Variants in UHRF2 observed in about 807,000 individuals in gnomAD.
UHRF2 encodes ubiquitin like with PHD and ring finger domains 2.
A neutral mutation model predicts 96.8 loss-of-function variants in UHRF2; 23 were observed. The ratio of observed to expected loss-of-function variants is 0.24; its 90% CI spans 0.17 to 0.34. UHRF2 has a LOEUF of 0.34. Ranked by LOEUF, UHRF2 falls within the 10% of genes least tolerant of loss-of-function variation. The probability of loss-of-function intolerance (pLI) is 1.00; values close to 1 mark genes in which losing one functional copy is unlikely to be tolerated. For missense variants in UHRF2, 685 were observed against 981.5 expected, an observed-to-expected ratio of 0.70 and a Z score of 4.04; for synonymous variants, 385 against 332.6, an observed-to-expected ratio of 1.16 and a Z score of -1.72.
chr9:6,494,089 A>T (rs1420681557), intron 10 of UHRF2, 157 bp downstream of exon 10: 2 of 600,514 alleles, frequency 3.3e-6, no homozygotes, highest in East Asian at 5.7e-5. Flanking sequence ...GTTTTTCAGC[A>T]TCCTAACATA....
intron 2 of UHRF2, among the ~76,000 whole-genome samples, chr9:6,423,643 T>C (rs1231301449): frequency 6.6e-6 from 1 of 151,952 alleles, no homozygotes; most frequent in Non-Finnish European, 1.5e-5. Flanking sequence ...GATTTTTTTT[T>C]TTTTTTTAAA....
Position 6,460,454 on chromosome 9 carries a change from C to T in UHRF2, c.645-119C>T, listed in dbSNP as rs145934745. On this transcript the variant is annotated intron_variant, in intron 3 of 15. Transcript: ENST00000276893. ...TAACACCTGCTATTTAAGGACACTT[C>T]AACCTATTTTACTCTTTCTCTTAGA... The T allele has an allele frequency of 3.0e-4, 243 of 805,266 alleles. 1 individual carries two copies. In the African/African-American group the frequency reaches 3.9e-3, roughly 13 times the overall value. The allele number at this position is 805,266 out of a possible 1,614,324, so 49.9% of individuals were successfully genotyped here.
At chr9:6,497,139 C>T in intron 10 of UHRF2, 59 bp from the exon 11 acceptor site, 3 of 1,506,998 alleles carry the variant, frequency 2.0e-6, no homozygotes, top group Non-Finnish European at 2.7e-6. Context: ...GAGCTAATGA[C>T]TCGATTGTGT....
chr9:6,459,046 A>C (rs1418502939), intron 3 of UHRF2, among the ~76,000 whole-genome samples: 1 of 152,164 alleles, frequency 6.6e-6, no homozygotes, highest in Non-Finnish European at 1.5e-5. Flanking sequence ...GGAGGGGAAC[A>C]TAACACAGAG....
intron 4 of UHRF2, 49 bp from the exon 5 acceptor site, chr9:6,475,342 A>G: frequency 1.7e-6 from 2 of 1,174,926 alleles, no homozygotes; most frequent in Non-Finnish European, 2.4e-6. Flanking sequence ...ATTTGTATAT[A>G]CCTTAGATTT....
intron 9 of UHRF2, among the ~76,000 whole-genome samples, chr9:6,487,903 A>C (rs1362982471): frequency 6.6e-6 from 1 of 152,154 alleles, no homozygotes; most frequent in African/African-American, 2.4e-5. Flanking sequence ...TTAAAATTAA[A>C]CTTACTATTT....
At position 6,421,122 on chromosome 9, in the gene UHRF2, C is replaced by A; in HGVS notation, c.364C>A (p.Pro122Thr). Reference protein sequence around the residue: ...STSARARLIDPGFGIYKVNEL... With the variant: ...STSARARLIDTGFGIYKVNEL... ...ATCAGCTCGTGCCCGTCTTATTGATCCTGGCTTTGGAATATATAAGGTATG... is the reference window on the plus strand; with the variant it reads ...ATCAGCTCGTGCCCGTCTTATTGATACTGGCTTTGGAATATATAAGGTATG... Residue 122 changes from proline to threonine, a missense_variant, in exon 2 of 16, where the codon CCT becomes ACT. Pro to Thr is a conservative substitution (Grantham distance 38, BLOSUM62 -1). Coordinates refer to ENST00000276893, the MANE Select transcript of UHRF2 (RefSeq NM_152896.3). The A allele has an allele frequency of 1.4e-5, 23 of 1,613,596 alleles. No individual in the cohort carries two copies. Among genetic ancestry groups the A allele is most frequent in the Non-Finnish European group, 1.9e-5 (23 of 1,179,568 alleles).
At chr9:6,459,425 T>C (rs778525877) in intron 3 of UHRF2, among the ~76,000 whole-genome samples, 2 of 152,174 alleles carry the variant, frequency 1.3e-5, no homozygotes, top group Non-Finnish European at 2.9e-5. Flanking sequence ...TCCCAGCACT[T>C]TGTGAGACTG....
At chr9:6,429,633 T>A (rs2130753835) in intron 2 of UHRF2, among the ~76,000 whole-genome samples, 1 of 152,320 alleles carries the variant, frequency 6.6e-6, no homozygotes, top group Middle Eastern at 3.4e-3. Flanking sequence ...ACCCGGGCTA[T>A]ACTCTGAGTT....
chr9:6,416,691 C>A (rs1046295556), intron 1 of UHRF2, among the ~76,000 whole-genome samples: 21 of 152,062 alleles, frequency 1.4e-4, no homozygotes, highest in Non-Finnish European at 2.8e-4. Context: ...AGGCGCCCGC[C>A]ACTGCGCCCG....
At chr9:6,505,309 A>ATT (rs1816524548) in intron 15 of UHRF2, among the ~76,000 whole-genome samples, 1 of 151,834 alleles carries the variant, frequency 6.6e-6, no homozygotes, top group Admixed American at 6.6e-5. Context: ...ATATATATAT[A>ATT]TTTTTTGACG....
chr9:6,467,322 C>T (rs1421058708), intron 4 of UHRF2, among the ~76,000 whole-genome samples: 1 of 152,150 alleles, frequency 6.6e-6, no homozygotes, highest in African/African-American at 2.4e-5. Flanking sequence ...TCTCCTCTGC[C>T]TCCCCTTCCC....
intron 4 of UHRF2, among the ~76,000 whole-genome samples, chr9:6,469,098 C>G (rs1382151688): frequency 6.6e-6 from 1 of 152,158 alleles, no homozygotes; most frequent in Non-Finnish European, 1.5e-5. Flanking sequence ...GAGAAACTTT[C>G]AAGTAACTGT....
chr9:6,429,009 A>C (rs954903735), intron 2 of UHRF2, among the ~76,000 whole-genome samples: 1 of 152,192 alleles, frequency 6.6e-6, no homozygotes, highest in African/African-American at 2.4e-5. Context: ...TGCTAAAAAT[A>C]TAAAAGGTTA....
chr9:6,487,983 G>A (rs890676762), intron 9 of UHRF2, among the ~76,000 whole-genome samples: 9 of 152,024 alleles, frequency 5.9e-5, no homozygotes, highest in Admixed American at 2.6e-4. Context: ...GCTCATGCCT[G>A]TAATCCCAGC....
chr9:6,472,732 A>G (rs1369788421), intron 4 of UHRF2, among the ~76,000 whole-genome samples: 1 of 152,256 alleles, frequency 6.6e-6, no homozygotes, highest in Non-Finnish European at 1.5e-5. Context: ...GGAAATATGC[A>G]AAAAATTTAA....
intron 9 of UHRF2, among the ~76,000 whole-genome samples, chr9:6,489,313 A>G (rs978027813): frequency 1.3e-5 from 2 of 152,174 alleles, no homozygotes; most frequent in Admixed American, 1.3e-4. Flanking sequence ...TCATTTACTC[A>G]TGGAAGAACA....
chr9:6,495,391 C>T (rs973842804), intron 10 of UHRF2: 1 of 152,264 alleles, frequency 6.6e-6, no homozygotes, highest in African/African-American at 2.4e-5. Context: ...GTGAATACGC[C>T]TTGTGATTGT....
At chr9:6,413,882 G>A (rs914436600) in intron 1 of UHRF2, 2 of 417,410 alleles carry the variant, frequency 4.8e-6, no homozygotes, top group Non-Finnish European at 8.2e-6. Context: ...GAGGGCGTCC[G>A]GAGCGCAAAT....
Sources: allele counts gnomAD v4.1 joint callset (sites outside exome capture counted in the v4.1 genomes callset), GRCh38; gene constraint gnomAD v4.1.1; transcripts MANE v1.5; gene names NCBI Gene and HGNC (gene_info 2026-07-23, HGNC 2026-07-21).